TPPP2: variants seen among roughly 807,000 people sequenced by gnomAD.
The protein encoded by TPPP2 is tubulin polymerization-promoting protein family member 2.
A neutral mutation model predicts 13.0 loss-of-function variants in TPPP2; 8 were observed. The ratio of observed to expected loss-of-function variants is 0.62; its 90% CI spans 0.36 to 1.11. TPPP2 has a LOEUF of 1.11. Among genes scored for constraint, TPPP2 ranks in the 50% most tolerant of loss-of-function variants. TPPP2 has a pLI of 0.02. For missense variants in TPPP2, 213 were observed against 216.9 expected (o/e 0.98, Z 0.11); for synonymous variants, 81 against 81.8 (o/e 0.99, Z 0.05).
chr14:21,029,199 A>G (rs1194106324), upstream of TPPP2: 2 of 152,214 alleles, frequency 1.3e-5, no homozygotes, highest in African/African-American at 4.8e-5. Flanking sequence ...TCTCCATGCT[A>G]CACTTGAGCC....
intron 1 of TPPP2, chr14:21,024,473 G>T (rs919076620): frequency 1.0e-6 from 1 of 968,476 alleles, no homozygotes; most frequent in Non-Finnish European, 1.2e-6. Context: ...AAACGCGGGG[G>T]AATAGGGGAT....
At position 21,032,183 on chromosome 14, in the gene TPPP2, C is replaced by G. The variant is rs1884247333; in HGVS notation, c.*106C>G. Reference sequence around the variant, plus strand: ...TGTGTGCAGCAGCCAAAATCTCTGTCTGTGAGGGACAGATGAGCCTACTAG... The same window carrying G: ...TGTGTGCAGCAGCCAAAATCTCTGTGTGTGAGGGACAGATGAGCCTACTAG... On this transcript the variant is annotated 3_prime_UTR_variant, in exon 4 of 4. Coordinates refer to ENST00000321760, the MANE Select transcript of TPPP2 (RefSeq NM_173846.5). The G allele has an allele frequency of 1.6e-5, 19 of 1,191,056 alleles. No homozygotes were observed. The South Asian group carries it at 2.3e-4, about 14-fold the overall frequency. The allele number at this position is 1,191,056 out of a possible 1,614,324, so 73.8% of individuals were successfully genotyped here.
upstream of TPPP2, among the ~76,000 whole-genome samples, chr14:21,029,511 C>T (rs533232893): frequency 5.8e-4 from 88 of 152,266 alleles, no homozygotes; most frequent in African/African-American, 2.0e-3. Flanking sequence ...GCATGAGAGT[C>T]GCTTGAATCC....
chr14:21,033,341 G>C (rs570738165), downstream of TPPP2: 159 of 288,376 alleles, frequency 5.5e-4, 2 homozygotes, highest in African/African-American at 3.4e-3. Flanking sequence ...GGTTCCTATA[G>C]CTAGCCATAT....
At chr14:21,034,111 G>C (rs200617364), downstream of TPPP2, 8 of 1,613,974 alleles carry the variant, frequency 5.0e-6, no homozygotes, top group Admixed American at 1.7e-5. Context: ...ATCTTGCCTC[G>C]CATATAGGAC....
At chr14:21,024,951 C>T (rs770885166) in intron 1 of TPPP2, 1 of 985,614 alleles carries the variant, frequency 1.0e-6, no homozygotes. Context: ...CTCCAGGGGA[C>T]GCGGATCAAT....
rs1883131698 is a variant in TPPP2, at chr14:21,025,023, C to G, written n.236+679C>G. 3 of 985,990 alleles carry G rather than the reference C, an allele frequency of 3.0e-6. No homozygotes were observed. In the African/African-American group the frequency reaches 5.2e-5, roughly 17 times the overall value. The allele number at this position is 985,990 out of a possible 1,614,324, so 61.1% of individuals were successfully genotyped here. On this transcript the variant is annotated intron_variant and non_coding_transcript_variant, in intron 1 of 1. Coordinates refer to the TPPP2 transcript ENST00000533755. This position sits in a 1 kb window ranked among gnomAD's most constrained non-coding sequence, Gnocchi z 5.1. The stretch of plus-strand genomic sequence containing the variant: ...CCTACGGCCCCTCGCCTGCCCCTCC[C>G]CCTACCTGCTGCCGCCGCGGCCGCT...
upstream of TPPP2, chr14:21,025,713 C>G (rs1043980645): frequency 6.4e-5 from 62 of 973,368 alleles, no homozygotes; most frequent in African/African-American, 1.0e-3. This position sits in a 1 kb window ranked among gnomAD's most constrained non-coding sequence, Gnocchi z 5.1. Context: ...GCCTGCTCTC[C>G]GGCTGCTCCG....
downstream of TPPP2, chr14:21,034,060 C>T: frequency 1.2e-6 from 2 of 1,614,096 alleles, no homozygotes; most frequent in South Asian, 1.1e-5. Context: ...TTCCAAGGGG[C>T]ATGTATCACA....
intron 1 of TPPP2, chr14:21,024,475 A>AT (rs2139015024): frequency 1.1e-6 from 1 of 949,082 alleles, no homozygotes; most frequent in East Asian, 1.2e-4. Flanking sequence ...ACGCGGGGGA[A>AT]TAGGGGATCC....
upstream of TPPP2, chr14:21,025,653 C>T: frequency 1.0e-6 from 1 of 985,346 alleles, no homozygotes; most frequent in Non-Finnish European, 1.2e-6. This position sits in a 1 kb window ranked among gnomAD's most constrained non-coding sequence, Gnocchi z 5.1. Flanking sequence ...AGTTCCGACT[C>T]CCTCGTGCCC....
At chr14:21,029,430 G>A (rs190897369), upstream of TPPP2, among the ~76,000 whole-genome samples, 1,132 of 152,066 alleles carry the variant, frequency 7.4e-3, 7 homozygotes, top group South Asian at 0.042. Context: ...GCAAAACCCC[G>A]TCTCTACTAA....
At chr14:21,032,829 A>AAAT (rs879009518), downstream of TPPP2, 1 of 413,760 alleles carries the variant, frequency 2.4e-6, no homozygotes, top group South Asian at 1.8e-5. Flanking sequence ...GTGTGTTATT[A>AAAT]ACTTTTTATT....
downstream of TPPP2, among the ~76,000 whole-genome samples, chr14:21,035,435 T>G (rs1386026660): frequency 2.0e-5 from 3 of 152,204 alleles, no homozygotes; most frequent in Non-Finnish European, 4.4e-5. Flanking sequence ...TTCATCAACA[T>G]CTTCCCTTTC....
chr14:21,033,719 G>A, downstream of TPPP2: 1 of 877,996 alleles, frequency 1.1e-6, no homozygotes, highest in Non-Finnish European at 1.9e-6. Flanking sequence ...GACCCTGCCT[G>A]CCTCGTAAGT....
chr14:21,025,801 C>A, upstream of TPPP2: 2 of 781,722 alleles, frequency 2.6e-6, no homozygotes, highest in Non-Finnish European at 3.0e-6. The surrounding 1 kb of genome is among the most constrained non-coding windows in gnomAD (Gnocchi z 5.1). Flanking sequence ...CGATCGCGGG[C>A]AGGCGGGGGG....
At chr14:21,031,528 C>G (rs1884145207) in intron 3 of TPPP2, among the ~76,000 whole-genome samples, 1 of 152,194 alleles carries the variant, frequency 6.6e-6, no homozygotes, top group Non-Finnish European at 1.5e-5. Flanking sequence ...CTCACCTACT[C>G]CCTTTTTTAA....
chr14:21,030,690 T>A lies in TPPP2; in HGVS notation c.109T>A (p.Cys37Ser), dbSNP rs765369850. The change falls in exon 2 of 4, where the codon TGT (cysteine) becomes AGT (serine). Residue 37 changes from cysteine to serine, a missense_variant. Coordinates refer to ENST00000321760, the MANE Select transcript of TPPP2 (RefSeq NM_173846.5). ...GAACTTCTCCAAGCTGTGCAAAGAC[T>A]GTGGCATCATGGATGGCAAGACAGT... ...NKNFSKLCKD[C>S]GIMDGKTVTS... 1.2e-6 allele frequency: 2 copies of A among 1,614,082 alleles called. No homozygotes were observed. Among genetic ancestry groups the A allele is most frequent in the African/African-American group, 2.7e-5 (2 of 74,932 alleles).
chr14:21,033,431 A>C (rs2986241), downstream of TPPP2: 1 of 292,404 alleles, frequency 3.4e-6, no homozygotes, highest in Non-Finnish European at 6.5e-6. Flanking sequence ...GGGGATGGGG[A>C]GGTGAGACTC....
Sources: allele counts gnomAD v4.1 joint callset (sites outside exome capture counted in the v4.1 genomes callset), GRCh38; gene constraint gnomAD v4.1.1; non-coding constraint Gnocchi (gnomAD v3.1); transcripts MANE v1.5; gene names NCBI Gene and HGNC (gene_info 2026-07-23, HGNC 2026-07-21).